The following TMEM135 variants were observed in gnomAD, a reference collection of about 807,000 sequenced individuals.
The protein encoded by TMEM135 is transmembrane protein 135, also known as peroxisomal membrane protein 52.
A neutral mutation model predicts 60.3 loss-of-function variants in TMEM135; 30 were observed. The ratio of observed to expected loss-of-function variants is 0.50; its 90% CI spans 0.37 to 0.68. The LOEUF is 0.68. TMEM135 is among the 30% of genes least tolerant of loss of function. The pLI is 0.00. For synonymous variants in TMEM135, 190 were observed against 186.7 expected, an observed-to-expected ratio of 1.02 and a Z score of -0.14; for missense variants, 468 against 548.8, an observed-to-expected ratio of 0.85 and a Z score of 1.47.
intron 5 of TMEM135, among the ~76,000 whole-genome samples, chr11:87,221,993 C>T (rs520718): frequency 0.064 from 9,685 of 151,784 alleles, 386 homozygotes; most frequent in South Asian, 0.12. Context: ...GTCAGGAGAT[C>T]GAGACCATCG....
intron 6 of TMEM135, among the ~76,000 whole-genome samples, chr11:87,295,280 T>C (rs1271129813): frequency 2.0e-5 from 3 of 152,212 alleles, no homozygotes; most frequent in Non-Finnish European, 4.4e-5. Context: ...TTGGGCTTAA[T>C]CAGAAATTAA....
chr11:87,300,561 T>G lies in TMEM135; in HGVS notation c.552-1735T>G, dbSNP rs1166650585. ...ACACCTATAGTATTGTTGTGAGGAT[T>G]ACATGAATTAATTATATTTGTAAAA... On this transcript the variant is annotated intron_variant, in intron 7 of 14. Transcript: ENST00000305494. 2.6e-5 allele frequency among the ~76,000 whole-genome samples: 4 copies of G among 152,238 alleles called. No homozygotes were observed. In the East Asian group the frequency reaches 5.8e-4, roughly 22 times the overall value.
At chr11:87,061,871 T>C (rs983962785) in intron 1 of TMEM135, among the ~76,000 whole-genome samples, 4 of 152,230 alleles carry the variant, frequency 2.6e-5, no homozygotes, top group African/African-American at 9.6e-5. Context: ...TAATTTTGTA[T>C]CACTCTTCAG....
At chr11:87,141,390 TG>T (rs970946517) in intron 4 of TMEM135, among the ~76,000 whole-genome samples, 1 of 152,166 alleles carries the variant, frequency 6.6e-6, no homozygotes, top group Non-Finnish European at 1.5e-5. Context: ...AGTTGGTTTT[TG>T]GTAGGATACA....
chr11:87,265,092 A>G (rs935917335), intron 6 of TMEM135, among the ~76,000 whole-genome samples: 5 of 151,986 alleles, frequency 3.3e-5, no homozygotes, highest in Admixed American at 1.3e-4. Context: ...GAGATTGACT[A>G]GAAATTTATT....
chr11:87,199,964 G>A (rs369205551), intron 5 of TMEM135, among the ~76,000 whole-genome samples: 5 of 152,186 alleles, frequency 3.3e-5, no homozygotes, highest in East Asian at 3.9e-4. Context: ...GGTTTGTAAA[G>A]CCATTAGAGA....
intron 5 of TMEM135, among the ~76,000 whole-genome samples, chr11:87,218,466 G>T (rs1940548770): frequency 1.3e-5 from 2 of 152,074 alleles, no homozygotes; most frequent in African/African-American, 4.8e-5. Context: ...GTCTCATCAG[G>T]CTTAGCTCCC....
chr11:87,304,320 A>G (rs936649001), intron 8 of TMEM135, among the ~76,000 whole-genome samples: 11 of 152,300 alleles, frequency 7.2e-5, no homozygotes, highest in Admixed American at 2.0e-4. Flanking sequence ...GCGGTGATCT[A>G]TGATCATTAT....
chr11:87,217,863 A>C (rs1379410512), intron 5 of TMEM135, among the ~76,000 whole-genome samples: 2 of 152,042 alleles, frequency 1.3e-5, no homozygotes, highest in African/African-American at 4.8e-5. Flanking sequence ...GGAGATGTTT[A>C]AACAAAAGCT....
At chr11:87,132,489 T>C (rs1937960788) in intron 4 of TMEM135, among the ~76,000 whole-genome samples, 1 of 152,206 alleles carries the variant, frequency 6.6e-6, no homozygotes, top group African/African-American at 2.4e-5. Context: ...ATTGTCACTA[T>C]TGATTATAAT....
At chr11:87,251,779 G>A (rs1034377423) in intron 6 of TMEM135, among the ~76,000 whole-genome samples, 2 of 152,178 alleles carry the variant, frequency 1.3e-5, no homozygotes, top group Non-Finnish European at 2.9e-5. Context: ...TAAAACGCGT[G>A]AGCACCTAGA....
Position 87,295,735 on chromosome 11 carries a change from T to A in TMEM135, c.510-47T>A, listed in dbSNP as rs771836507. 8.0e-6 allele frequency: 12 copies of A among 1,508,134 alleles called. No individual in the cohort carries two copies. In the Middle Eastern group the frequency reaches 6.9e-4, roughly 87 times the overall value. 93.4% of individuals were successfully genotyped at this position (1,508,134 alleles called of 1,614,324 possible). A position where few individuals can be genotyped will look rare whatever the true frequency, so the allele number is the denominator to read the frequency against. On this transcript the variant is annotated intron_variant, in intron 6 of 14. Transcript: ENST00000305494. ...CAGAAAAAAATTGAATAGGTACTTG[T>A]ATCTCAAAATATGTTATTTTATGAT...
At position 87,261,605 on chromosome 11, in the gene TMEM135, A is replaced by G. The variant is rs951637589; in HGVS notation, c.509+24921A>G. On this transcript the variant is annotated intron_variant, in intron 6 of 14. Transcript: ENST00000305494. ...TACTTCTCTCTTTTTAGTTCAAACC[A>G]TCTTAACAGTTTGCATATATCCTTC... Among the ~76,000 whole-genome samples, 16 of 152,242 alleles carry G rather than the reference A, an allele frequency of 1.1e-4. No individual in the cohort carries two copies. In the East Asian group the frequency reaches 1.9e-3, roughly 18 times the overall value.
At chr11:87,316,674 A>C (rs1279291900) in intron 12 of TMEM135, among the ~76,000 whole-genome samples, 1 of 151,980 alleles carries the variant, frequency 6.6e-6, no homozygotes, top group African/African-American at 2.4e-5. Flanking sequence ...GGGAACTGAG[A>C]GAAAGAAAAT....
At chr11:87,254,268 A>G (rs1006786474) in intron 6 of TMEM135, among the ~76,000 whole-genome samples, 2 of 152,200 alleles carry the variant, frequency 1.3e-5, no homozygotes, top group Non-Finnish European at 2.9e-5. Context: ...AAAAAAATTT[A>G]AGGATTAGAA....
chr11:87,221,623 A>G (rs1940618162), intron 5 of TMEM135, among the ~76,000 whole-genome samples: 1 of 152,224 alleles, frequency 6.6e-6, no homozygotes, highest in Non-Finnish European at 1.5e-5. Flanking sequence ...ACATGCAACT[A>G]GAATACAAAA....
intron 3 of TMEM135, among the ~76,000 whole-genome samples, chr11:87,080,249 G>T (rs1224936616): frequency 6.8e-6 from 1 of 146,998 alleles, no homozygotes; most frequent in Non-Finnish European, 1.5e-5. Context: ...CTCAACTTTG[G>T]CACTATTGAC....
At chr11:87,065,106 GGTT>G (rs1856625039) in intron 1 of TMEM135, among the ~76,000 whole-genome samples, 1 of 152,052 alleles carries the variant, frequency 6.6e-6, no homozygotes, top group East Asian at 1.9e-4. Flanking sequence ...AGGGCATCGG[GGTT>G]GTTTCTGGTT....
chr11:87,223,849 A>G (rs942999278), intron 5 of TMEM135, among the ~76,000 whole-genome samples: 4 of 150,082 alleles, frequency 2.7e-5, no homozygotes, highest in Non-Finnish European at 5.9e-5. Flanking sequence ...GACTGTCTAA[A>G]AAAGAAAGAA....
Sources: gnomAD v4.1 joint callset for allele counts (sites outside exome capture counted in the v4.1 genomes callset) on GRCh38, gnomAD v4.1.1 for gene constraint, MANE v1.5 for transcripts, NCBI Gene and HGNC (gene_info 2026-07-23, HGNC 2026-07-21) for gene names.